Variants in FBXO16 observed in about 807,000 individuals in gnomAD.
FBXO16 encodes F-box only protein 16.
A neutral mutation model predicts 41.0 loss-of-function variants in FBXO16; 31 were observed. That is an observed-to-expected ratio of 0.76 (90% CI 0.57 to 1.02). FBXO16 has a LOEUF of 1.02. Among genes scored for constraint, FBXO16 ranks in the 50% least tolerant of loss-of-function variants. The pLI, the probability that FBXO16 is intolerant of heterozygous loss-of-function variation, is 0.00. For missense variants in FBXO16, 361 were observed against 346.2 expected, an observed-to-expected ratio of 1.04 and a Z score of -0.34; for synonymous variants, 133 against 117.8, an observed-to-expected ratio of 1.13 and a Z score of -0.84.
At chr8:28,483,714 G>C (rs575551371) in intron 1 of FBXO16, among the ~76,000 whole-genome samples, 37 of 152,180 alleles carry the variant, frequency 2.4e-4, no homozygotes, top group Admixed American at 2.4e-3. Flanking sequence ...GCCGGGCGTG[G>C]TGGTGCATGC....
At chr8:28,458,985 A>G (rs2130142239) in intron 4 of FBXO16, among the ~76,000 whole-genome samples, 1 of 152,334 alleles carries the variant, frequency 6.6e-6, no homozygotes, top group African/African-American at 2.4e-5. Flanking sequence ...ATCTGGCTGA[A>G]GAATGATGGT....
chr8:28,457,191 T>C (rs1201246914), intron 4 of FBXO16, among the ~76,000 whole-genome samples: 1 of 152,214 alleles, frequency 6.6e-6, no homozygotes, highest in African/African-American at 2.4e-5. Context: ...ACCTATTAAT[T>C]ATCTTCATAG....
chr8:28,443,039 G>A (rs1296413925), intron 7 of FBXO16, among the ~76,000 whole-genome samples: 1 of 145,118 alleles, frequency 6.9e-6, no homozygotes, highest in African/African-American at 2.6e-5. Flanking sequence ...TTTTTTTTTA[G>A]GTAGGGTCTC....
At chr8:28,460,245 A>ATATATATATT (rs1477457728) in intron 4 of FBXO16, among the ~76,000 whole-genome samples, 2 of 85,442 alleles carry the variant, frequency 2.3e-5, no homozygotes, top group Non-Finnish European at 3.9e-5. Context: ...ATATATATAT[A>ATATATATATT]TTTTTTTTTT....
intron 7 of FBXO16, among the ~76,000 whole-genome samples, chr8:28,446,213 A>T (rs1199886373): frequency 8.9e-6 from 1 of 112,940 alleles, no homozygotes; most frequent in Admixed American, 1.4e-4. Context: ...ACAGAGTCTC[A>T]CGCTGTTGCC....
At position 28,475,743 on chromosome 8, in the gene FBXO16, C is replaced by A. The variant is rs547251201; in HGVS notation, c.100-1936G>T. On this transcript the variant is annotated intron_variant, in intron 2 of 8. Transcript: ENST00000380254. ...GATTACAACCACTTTCTCTTACATG[C>A]TCCACAGAACCCTCAAGTACAGAGT... Among the ~76,000 whole-genome samples, 3 of 152,286 alleles carry A rather than the reference C, an allele frequency of 2.0e-5. No homozygotes were observed. In the South Asian group the frequency reaches 6.2e-4, roughly 32 times the overall value.
chr8:28,437,047 T>C (rs1000361958), intron 7 of FBXO16, among the ~76,000 whole-genome samples: 3 of 152,074 alleles, frequency 2.0e-5, no homozygotes, highest in African/African-American at 7.2e-5. Flanking sequence ...AGCCACTGCA[T>C]CCAACCTACA....
intron 1 of FBXO16, among the ~76,000 whole-genome samples, chr8:28,488,719 A>G: frequency 6.6e-6 from 1 of 152,278 alleles, no homozygotes; most frequent in Middle Eastern, 3.4e-3. Context: ...GTCTCCTGTT[A>G]GGTATTTTTT....
chr8:28,447,153 T>C lies in FBXO16; in HGVS notation c.843+18A>G. The stretch of plus-strand genomic sequence containing the variant: ...TCATTAATGTTATGGTGATGAATCT[T>C]TCATAAACAATACTTACCATTGATT... On this transcript the variant is annotated intron_variant, in intron 7 of 8. Transcript: ENST00000380254. 2.5e-6 allele frequency: 4 copies of C among 1,593,864 alleles called. No individual in the cohort carries two copies. The highest frequency in any genetic ancestry group is 3.4e-6 in the Non-Finnish European group (4 of 1,166,704).
intron 4 of FBXO16, among the ~76,000 whole-genome samples, chr8:28,459,064 G>A (rs959790718): frequency 6.6e-6 from 1 of 152,132 alleles, no homozygotes; most frequent in African/African-American, 2.4e-5. Flanking sequence ...GATAGAATTA[G>A]CTATTTCAAA....
intron 2 of FBXO16, among the ~76,000 whole-genome samples, chr8:28,481,264 T>C (rs969107571): frequency 1.3e-5 from 2 of 151,654 alleles, no homozygotes; most frequent in Non-Finnish European, 2.9e-5. Context: ...GAGGATGGAG[T>C]GGCAGGGACA....
intron 2 of FBXO16, among the ~76,000 whole-genome samples, chr8:28,474,331 A>C (rs1803387058): frequency 1.6e-5 from 1 of 64,142 alleles, no homozygotes. Flanking sequence ...AAAAAAAAAA[A>C]AAAAAAAAAA....
At chr8:28,434,639 AT>A (rs536235725) in intron 7 of FBXO16, among the ~76,000 whole-genome samples, 45 of 152,336 alleles carry the variant, frequency 3.0e-4, no homozygotes, top group African/African-American at 1.0e-3. Flanking sequence ...CTTTAAAAAA[AT>A]CTCCCTCTCA....
intron 1 of FBXO16, among the ~76,000 whole-genome samples, chr8:28,488,167 T>A (rs1585926418): frequency 3.3e-5 from 5 of 152,122 alleles, no homozygotes; most frequent in African/African-American, 1.2e-4. Context: ...TCATCTTTAA[T>A]TTTTCTTAGA....
chr8:28,484,386 T>C (rs967538437), intron 1 of FBXO16, among the ~76,000 whole-genome samples: 2 of 152,216 alleles, frequency 1.3e-5, no homozygotes, highest in African/African-American at 4.8e-5. Flanking sequence ...GGAAACTTGC[T>C]ATTTTTAGTT....
chr8:28,473,059 T>C (rs961197522), intron 3 of FBXO16, among the ~76,000 whole-genome samples: 3 of 152,214 alleles, frequency 2.0e-5, no homozygotes, highest in African/African-American at 7.2e-5. Flanking sequence ...CTGAAGGTCT[T>C]CCCTCTGAGC....
intron 4 of FBXO16, among the ~76,000 whole-genome samples, chr8:28,461,061 G>A (rs1157379321): frequency 6.6e-6 from 1 of 150,832 alleles, no homozygotes; most frequent in Non-Finnish European, 1.5e-5. Context: ...TTATAAGATG[G>A]TAGGACAGTT....
chr8:28,441,916 G>C (rs1440951906), intron 7 of FBXO16, among the ~76,000 whole-genome samples: 2 of 121,014 alleles, frequency 1.7e-5, no homozygotes, highest in Non-Finnish European at 3.1e-5. Flanking sequence ...ATATATGTGT[G>C]TGTGTGTGTG....
intron 7 of FBXO16, among the ~76,000 whole-genome samples, chr8:28,439,812 T>C (rs1802739697): frequency 6.6e-6 from 1 of 151,872 alleles, no homozygotes; most frequent in South Asian, 2.1e-4. Context: ...CAGAATTTGA[T>C]AAGAAGTATA....
Sources: allele counts gnomAD v4.1 joint callset (sites outside exome capture counted in the v4.1 genomes callset), GRCh38; gene constraint gnomAD v4.1.1; transcripts MANE v1.5; gene names NCBI Gene and HGNC (gene_info 2026-07-23, HGNC 2026-07-21).